The following VPS13A variants were observed in gnomAD, a reference collection of about 807,000 sequenced individuals.
VPS13A encodes the protein vacuolar protein sorting 13 homolog A.
In VPS13A, 264 loss-of-function variants were observed where a neutral mutation model predicts 390.9. The observed-to-expected ratio is 0.68, with a 90% confidence interval of 0.61 to 0.75. The LOEUF (loss-of-function observed/expected upper bound fraction) is 0.75, where lower values mean the gene tolerates loss of function less well. Among genes scored for constraint, VPS13A ranks in the 30% least tolerant of loss-of-function variants. The pLI, the probability that VPS13A is intolerant of heterozygous loss-of-function variation, is 0.00. For missense variants in VPS13A, 3,409 were observed against 3,733.9 expected, an observed-to-expected ratio of 0.91 and a Z score of 2.27; for synonymous variants, 1,231 against 1,227.1, an observed-to-expected ratio of 1.00 and a Z score of -0.07.
chr9:77,264,234 C>T (rs1010257461), intron 23 of VPS13A, among the ~76,000 whole-genome samples: 1 of 152,150 alleles, frequency 6.6e-6, no homozygotes, highest in East Asian at 1.9e-4. Flanking sequence ...AGCGTGATGC[C>T]TCCAGCTTTG....
rs534217972 is a variant in VPS13A, at chr9:77,241,972, T to A, written c.1900+3586T>A. Among the ~76,000 whole-genome samples, 3 of 152,282 alleles carry A rather than the reference T, an allele frequency of 2.0e-5. No homozygotes were observed. The East Asian group carries it at 5.8e-4, about 29-fold the overall frequency. ...AGTGAGTGTCCTTTAAGATTTCAGA[T>A]TTGTGAGGAGAACTCTTGCAAGACT... On this transcript the variant is annotated intron_variant, in intron 19 of 71. Transcript: ENST00000360280.
chr9:77,319,765 A>T, intron 42 of VPS13A, 92 bp downstream of exon 42: 1 of 688,792 alleles, frequency 1.5e-6, no homozygotes, highest in South Asian at 2.3e-5. Context: ...TCACAGCAAA[A>T]TTGAGAAGAA....
intron 46 of VPS13A, among the ~76,000 whole-genome samples, chr9:77,334,936 G>A (rs1348394642): frequency 2.0e-5 from 3 of 152,192 alleles, no homozygotes; most frequent in East Asian, 1.9e-4. Context: ...CAGGGTGCCA[G>A]TAGCTGGAAG....
At chr9:77,180,722 TA>T (rs920364486) in intron 1 of VPS13A, among the ~76,000 whole-genome samples, 5 of 150,344 alleles carry the variant, frequency 3.3e-5, no homozygotes, top group African/African-American at 9.7e-5. Context: ...TTGCATTTCG[TA>T]AAAAAAAAAT....
At chr9:77,406,501 T>G (rs576703331) in intron 70 of VPS13A, among the ~76,000 whole-genome samples, 14 of 152,256 alleles carry the variant, frequency 9.2e-5, no homozygotes, top group African/African-American at 3.4e-4. Flanking sequence ...CACTGCAACC[T>G]CCACCTCCCA....
At chr9:77,316,501 C>A in intron 39 of VPS13A, 95 bp downstream of exon 39, 1 of 1,010,592 alleles carries the variant, frequency 9.9e-7, no homozygotes, top group Non-Finnish European at 1.5e-6. Flanking sequence ...TGCTTTCCAA[C>A]CTTGCTCTGT....
intron 29 of VPS13A, among the ~76,000 whole-genome samples, chr9:77,282,655 G>T (rs906987815): frequency 1.4e-4 from 21 of 152,116 alleles, no homozygotes; most frequent in Admixed American, 1.4e-3. Context: ...TTGTCAGCTG[G>T]GTGCGGTGGC....
At chr9:77,248,891 C>T (rs887077070) in intron 20 of VPS13A, among the ~76,000 whole-genome samples, 2 of 152,140 alleles carry the variant, frequency 1.3e-5, no homozygotes, top group Non-Finnish European at 2.9e-5. Context: ...GCCATCAAGC[C>T]CAGACAGTTT....
At chr9:77,293,965 A>G (rs537803614) in intron 32 of VPS13A, among the ~76,000 whole-genome samples, 1 of 152,260 alleles carries the variant, frequency 6.6e-6, no homozygotes, top group East Asian at 1.9e-4. Flanking sequence ...GTGTAGTGGC[A>G]TGATCGTAGC....
Position 77,383,607 on chromosome 9 carries a change from C to CAA in VPS13A, c.9189+1521_9189+1522dup, listed in dbSNP as rs76724713. ...ATAAGTGAGCACGTTATGATACCCA[C>CAA]AAGGAAGCCATGAGATACCAATAAT... On this transcript the variant is annotated intron_variant, in intron 68 of 71. Coordinates refer to ENST00000360280, the MANE Select transcript of VPS13A (RefSeq NM_033305.3). Among the ~76,000 whole-genome samples, 60 of 152,118 alleles carry CAA rather than the reference C, an allele frequency of 3.9e-4. No homozygotes were observed. The East Asian group carries it at 0.01, about 25-fold the overall frequency.
At chr9:77,316,023 A>AGG (rs1235989136) in intron 38 of VPS13A, 151 bp from the exon 39 acceptor site, 1 of 318,692 alleles carries the variant, frequency 3.1e-6, no homozygotes, top group Admixed American at 5.1e-5. Context: ...TAGCTTCTTC[A>AGG]AGTCTTTACT....
At chr9:77,240,059 C>G (rs1416357667) in intron 19 of VPS13A, among the ~76,000 whole-genome samples, 1 of 151,480 alleles carries the variant, frequency 6.6e-6, no homozygotes, top group East Asian at 1.9e-4. Context: ...TTTACAATTA[C>G]TTGTGCATTT....
chr9:77,378,980 C>T lies in VPS13A; in HGVS notation c.9078-2996C>T, dbSNP rs574748421. On this transcript the variant is annotated intron_variant, in intron 67 of 71. Coordinates refer to ENST00000360280, the MANE Select transcript of VPS13A (RefSeq NM_033305.3). ...GCTTCTATGTTTTAATTTCCACACACTTGTAAATTTCATAAATTTCTCTTA... is the reference window on the plus strand; with the variant it reads ...GCTTCTATGTTTTAATTTCCACACATTTGTAAATTTCATAAATTTCTCTTA... Among the ~76,000 whole-genome samples, 3 of 149,084 alleles carry T rather than the reference C, an allele frequency of 2.0e-5. No individual in the cohort carries two copies. In the East Asian group the frequency reaches 5.9e-4, roughly 30 times the overall value.
chr9:77,394,356 C>G (rs1834037050), intron 68 of VPS13A, among the ~76,000 whole-genome samples: 1 of 152,090 alleles, frequency 6.6e-6, no homozygotes, highest in African/African-American at 2.4e-5. Flanking sequence ...CGTGAGATGC[C>G]TCATGTGGCC....
At chr9:77,273,550 C>T (rs986147004) in intron 24 of VPS13A, among the ~76,000 whole-genome samples, 186 bp downstream of exon 24, 1 of 152,044 alleles carries the variant, frequency 6.6e-6, no homozygotes, top group Non-Finnish European at 1.5e-5. Context: ...GATTTACTAG[C>T]ATTCATATTT....
At chr9:77,329,513 C>T (rs926176429) in intron 45 of VPS13A, among the ~76,000 whole-genome samples, 8 of 151,944 alleles carry the variant, frequency 5.3e-5, no homozygotes, top group South Asian at 2.1e-4. Context: ...TAGGGAGGTC[C>T]GAAGAAGAGG....
chr9:77,290,982 G>T (rs1455423177), intron 31 of VPS13A, among the ~76,000 whole-genome samples: 2 of 152,012 alleles, frequency 1.3e-5, no homozygotes, highest in East Asian at 3.8e-4. Flanking sequence ...CTTTTATAGG[G>T]CATCTCATAA....
At chr9:77,326,026 A>G (rs555852298) in intron 45 of VPS13A, among the ~76,000 whole-genome samples, 3 of 152,152 alleles carry the variant, frequency 2.0e-5, no homozygotes, top group Non-Finnish European at 4.4e-5. Context: ...TTCACTGGGC[A>G]TAGAAATCTA....
chr9:77,220,732 G>C (rs1356081985), intron 12 of VPS13A, among the ~76,000 whole-genome samples: 1 of 151,960 alleles, frequency 6.6e-6, no homozygotes, highest in Admixed American at 6.6e-5. Flanking sequence ...CAGATACACT[G>C]AACCAATATT....
Sources: allele counts gnomAD v4.1 joint callset (sites outside exome capture counted in the v4.1 genomes callset), GRCh38; gene constraint gnomAD v4.1.1; transcripts MANE v1.5; gene names NCBI Gene and HGNC (gene_info 2026-07-23, HGNC 2026-07-21).